GSTCD: variants seen among roughly 807,000 people sequenced by gnomAD.
GSTCD encodes the protein glutathione S-transferase C-terminal domain-containing protein.
A neutral mutation model predicts 68.3 loss-of-function variants in GSTCD; 44 were observed. That is an observed-to-expected ratio of 0.64 (90% CI 0.51 to 0.83). GSTCD has a LOEUF of 0.83. Among genes scored for constraint, GSTCD ranks in the 40% least tolerant of loss-of-function variants. The probability of loss-of-function intolerance (pLI) is 0.00; values close to 1 mark genes in which losing one functional copy is unlikely to be tolerated. For synonymous variants in GSTCD, 273 were observed against 255.2 expected, an observed-to-expected ratio of 1.07 and a Z score of -0.67; for missense variants, 739 against 735.9, an observed-to-expected ratio of 1.00 and a Z score of -0.05.
chr4:105,809,789 T>C (rs1416707323), intron 5 of GSTCD, among the ~76,000 whole-genome samples: 2 of 152,104 alleles, frequency 1.3e-5, no homozygotes, highest in East Asian at 1.9e-4. Flanking sequence ...TAAGTCTTAA[T>C]TTTATACCTG....
chr4:105,746,271 A>G (rs1733799430), intron 5 of GSTCD: 1 of 152,204 alleles, frequency 6.6e-6, no homozygotes, highest in Non-Finnish European at 1.5e-5. Flanking sequence ...TTTACTATTT[A>G]TTAGGTGGAA....
intron 5 of GSTCD, among the ~76,000 whole-genome samples, chr4:105,794,292 T>A (rs566730610): frequency 6.6e-6 from 1 of 151,960 alleles, no homozygotes; most frequent in Non-Finnish European, 1.5e-5. Context: ...CAGAGGATAT[T>A]TAGGGCAATG....
chr4:105,844,510 A>T (rs1277169698), intron 11 of GSTCD, among the ~76,000 whole-genome samples: 1 of 151,952 alleles, frequency 6.6e-6, no homozygotes, highest in East Asian at 1.9e-4. Context: ...TGTTCATAGA[A>T]CTTTTCTATT....
intron 5 of GSTCD, among the ~76,000 whole-genome samples, chr4:105,817,090 A>G (rs976885181): frequency 3.9e-5 from 6 of 151,960 alleles, no homozygotes; most frequent in Non-Finnish European, 7.4e-5. Flanking sequence ...TTTTAAGAAC[A>G]TTGTACAATG....
intron 5 of GSTCD, among the ~76,000 whole-genome samples, chr4:105,747,261 C>T (rs145853471): frequency 1.6e-3 from 250 of 152,302 alleles, no homozygotes; most frequent in African/African-American, 2.6e-3. Flanking sequence ...TTTCTAAGGC[C>T]GGTAGGCAGG....
intron 5 of GSTCD, among the ~76,000 whole-genome samples, chr4:105,744,643 C>A (rs552591321): frequency 3.3e-5 from 5 of 152,272 alleles, no homozygotes; most frequent in African/African-American, 1.2e-4. Flanking sequence ...CTTTTGACCC[C>A]TTGGAAATGC....
At chr4:105,741,396 T>C (rs1364504929) in intron 5 of GSTCD, among the ~76,000 whole-genome samples, 3 of 152,218 alleles carry the variant, frequency 2.0e-5, no homozygotes, top group Non-Finnish European at 4.4e-5. Flanking sequence ...AATTTAAATG[T>C]TTTTATGGTA....
chr4:105,811,599 T>TGCAGCACACC (rs991932248), intron 5 of GSTCD, among the ~76,000 whole-genome samples: 6 of 150,208 alleles, frequency 4.0e-5, no homozygotes, highest in Admixed American at 6.6e-5. Flanking sequence ...AGTTAGTGGG[T>TGCAGCACACC]GCAGCACACC....
At chr4:105,725,186 T>C (rs1266211436) in intron 3 of GSTCD, among the ~76,000 whole-genome samples, 1 of 152,152 alleles carries the variant, frequency 6.6e-6, no homozygotes, top group Non-Finnish European at 1.5e-5. Flanking sequence ...GTATTCTTCT[T>C]TTTCTATTGA....
intron 5 of GSTCD, 91 bp from the exon 6 acceptor site, chr4:105,822,863 C>T (rs780830841): frequency 1.2e-4 from 100 of 813,790 alleles, no homozygotes; most frequent in Non-Finnish European, 1.8e-4. Flanking sequence ...CCCCCTCCTC[C>T]TCCTCTATGC....
chr4:105,802,677 T>C (rs1157636938), intron 5 of GSTCD, among the ~76,000 whole-genome samples: 1 of 152,144 alleles, frequency 6.6e-6, no homozygotes, highest in East Asian at 1.9e-4. Context: ...CATATTTCTC[T>C]TCCCTTTAAC....
chr4:105,823,073 T>C lies in GSTCD; in HGVS notation c.1356+4T>C. On this transcript the variant is annotated splice_donor_region_variant and intron_variant, in intron 6 of 11. Transcript: ENST00000515279. The stretch of plus-strand genomic sequence containing the variant: ...TGTGGATTTCTGCAGCGGTGGGGTA[T>C]TTTATCTCTCCTTTCATCCTTTTTA... 1 of 1,606,826 alleles carries C rather than the reference T, an allele frequency of 6.2e-7. No homozygotes were observed. Among genetic ancestry groups the C allele is most frequent in the Non-Finnish European group, 8.5e-7 (1 of 1,173,482 alleles).
intron 5 of GSTCD, among the ~76,000 whole-genome samples, chr4:105,735,241 G>A (rs1280317934): frequency 1.3e-5 from 2 of 152,128 alleles, no homozygotes; most frequent in African/African-American, 4.8e-5. Context: ...AGAGGTTTCT[G>A]CAGAGGGTTC....
At position 105,846,322 on chromosome 4, in the gene GSTCD, G is replaced by A. The variant is rs1724544774; in HGVS notation, c.*745G>A. The A allele has an allele frequency of 6.6e-6, 1 of 152,018 alleles. No homozygotes were observed. Among genetic ancestry groups the A allele is most frequent in the African/African-American group, 2.4e-5 (1 of 41,368 alleles). The allele number at this position is 152,018 out of a possible 1,614,324, so 9.4% of individuals were successfully genotyped here. On this transcript the variant is annotated 3_prime_UTR_variant, in exon 12 of 12. Transcript: ENST00000515279. The stretch of plus-strand genomic sequence containing the variant: ...GCCTTGATAGCGCCACTGCACTCCT[G>A]CCTGGGAAAATGAGACCCAGACTCA...
At chr4:105,802,361 A>C (rs1160429469) in intron 5 of GSTCD, among the ~76,000 whole-genome samples, 1 of 152,102 alleles carries the variant, frequency 6.6e-6, no homozygotes, top group African/African-American at 2.4e-5. Context: ...ATACTTGTGC[A>C]TAACCTGTTA....
At chr4:105,773,161 T>G (rs944548448) in intron 5 of GSTCD, among the ~76,000 whole-genome samples, 1 of 152,200 alleles carries the variant, frequency 6.6e-6, no homozygotes, top group Non-Finnish European at 1.5e-5. Flanking sequence ...GTTCATAGTA[T>G]TCTTTTATGG....
chr4:105,718,533 C>T (rs960057501), intron 2 of GSTCD, among the ~76,000 whole-genome samples: 2 of 152,126 alleles, frequency 1.3e-5, no homozygotes, highest in African/African-American at 4.8e-5. Flanking sequence ...CCAAATAAAC[C>T]TCTTTCCTTT....
At chr4:105,794,836 TATTTATCTATCTATC>T (rs1560832729) in intron 5 of GSTCD, among the ~76,000 whole-genome samples, 107 of 95,088 alleles carry the variant, frequency 1.1e-3, no homozygotes, top group African/African-American at 8.7e-3. Flanking sequence ...TCTATCTATC[TATTTATCTATCTATC>T]TATCTATCTA....
At chr4:105,727,537 A>G (rs1733082973) in intron 4 of GSTCD, among the ~76,000 whole-genome samples, 4 of 151,992 alleles carry the variant, frequency 2.6e-5, no homozygotes, top group Admixed American at 2.0e-4. Context: ...AAAAAAAAAA[A>G]AAAGAAATAT....
Sources: gnomAD v4.1 joint callset for allele counts (sites outside exome capture counted in the v4.1 genomes callset) on GRCh38, gnomAD v4.1.1 for gene constraint, MANE v1.5 for transcripts, NCBI Gene and HGNC (gene_info 2026-07-23, HGNC 2026-07-21) for gene names.